Variants in LHFPL3 observed in about 807,000 individuals in gnomAD.
The protein encoded by LHFPL3 is LHFPL tetraspan subfamily member 3, also known as LHFPL tetraspan subfamily member 3 protein.
LHFPL3 carries 5 observed loss-of-function variants against 19.3 expected under a neutral mutation model. That is an observed-to-expected ratio of 0.26 (90% CI 0.14 to 0.54). The LOEUF (loss-of-function observed/expected upper bound fraction) is 0.54. Ranked by LOEUF, LHFPL3 falls within the 20% of genes least tolerant of loss-of-function variation. The probability of loss-of-function intolerance (pLI) is 0.94; values close to 1 mark genes in which losing one functional copy is unlikely to be tolerated. For missense variants in LHFPL3, 249 were observed against 307.4 expected (o/e 0.81, Z 1.42); for synonymous variants, 133 against 126.2 (o/e 1.05, Z -0.36).
Position 104,521,979 on chromosome 7 carries a change from C to T in LHFPL3, c.445+192755C>T, listed in dbSNP as rs558766966. On this transcript the variant is annotated intron_variant, in intron 1 of 2. Coordinates refer to ENST00000424859, the MANE Select transcript of LHFPL3 (RefSeq NM_199000.3). ...TCAACCATTGTGGAAGTCAGTGTGG[C>T]GATTCCTCAGGGATCTAGAACTGGA... 5.9e-4 allele frequency among the ~76,000 whole-genome samples: 90 copies of T among 152,044 alleles called. No homozygotes were observed. The East Asian group carries it at 0.014, about 23-fold the overall frequency.
intron 1 of LHFPL3, among the ~76,000 whole-genome samples, chr7:104,372,179 A>G (rs1174756555): frequency 3.3e-5 from 5 of 152,176 alleles, no homozygotes; most frequent in African/African-American, 1.2e-4. Context: ...GTGCTCATGT[A>G]TCCACCCACA....
At chr7:104,333,103 A>G (rs1562866892) in intron 1 of LHFPL3, among the ~76,000 whole-genome samples, 2 of 152,092 alleles carry the variant, frequency 1.3e-5, no homozygotes, top group African/African-American at 4.8e-5. Flanking sequence ...TTCTGCTTCT[A>G]TGTTCTTGTT....
At chr7:104,895,252 A>G (rs1358412130) in intron 2 of LHFPL3, 1 of 152,162 alleles carries the variant, frequency 6.6e-6, no homozygotes, top group African/African-American at 2.4e-5. Context: ...TGGTTTCCGG[A>G]TGTTTCTGCT....
intron 1 of LHFPL3, among the ~76,000 whole-genome samples, chr7:104,556,327 T>C (rs1789831312): frequency 1.3e-5 from 2 of 152,170 alleles, no homozygotes; most frequent in South Asian, 4.1e-4. Context: ...TGCCTGGGCA[T>C]CCAGGTGTTT....
chr7:104,589,813 A>T (rs562891747), intron 1 of LHFPL3, among the ~76,000 whole-genome samples: 26 of 152,176 alleles, frequency 1.7e-4, no homozygotes, highest in African/African-American at 5.8e-4. Flanking sequence ...CTATTCAGGG[A>T]TTCAGTTTCT....
At chr7:104,424,207 A>C (rs905170151) in intron 1 of LHFPL3, among the ~76,000 whole-genome samples, 1 of 152,248 alleles carries the variant, frequency 6.6e-6, no homozygotes, top group Non-Finnish European at 1.5e-5. Flanking sequence ...TGATATTATT[A>C]TCAAGAAATT....
At chr7:104,391,367 T>G (rs139113222) in intron 1 of LHFPL3, among the ~76,000 whole-genome samples, 3 of 152,252 alleles carry the variant, frequency 2.0e-5, no homozygotes. Context: ...TTGTATAAGG[T>G]GTAAGGAAGG....
At chr7:104,700,894 A>G (rs1013628695) in intron 1 of LHFPL3, among the ~76,000 whole-genome samples, 21 of 152,076 alleles carry the variant, frequency 1.4e-4, no homozygotes. Flanking sequence ...CCCTAACTGT[A>G]CCAATTTATC....
intron 1 of LHFPL3, among the ~76,000 whole-genome samples, chr7:104,575,455 T>C (rs4335061): frequency 0.28 from 42,919 of 150,930 alleles, 6,454 homozygotes; most frequent in African/African-American, 0.39. Flanking sequence ...GACCATAAAA[T>C]TCACTAAAAG....
chr7:104,708,905 T>G (rs923252893), intron 1 of LHFPL3, among the ~76,000 whole-genome samples: 2 of 152,180 alleles, frequency 1.3e-5, no homozygotes, highest in African/African-American at 2.4e-5. Flanking sequence ...TAGATTTGTC[T>G]TCATCACCAC....
chr7:104,666,076 A>T (rs1792331928), intron 1 of LHFPL3, among the ~76,000 whole-genome samples: 1 of 152,166 alleles, frequency 6.6e-6, no homozygotes, highest in Non-Finnish European at 1.5e-5. Flanking sequence ...TTTGTACGGG[A>T]TACATGTGAC....
At chr7:104,756,868 G>A (rs959447020) in intron 2 of LHFPL3, among the ~76,000 whole-genome samples, 2 of 152,182 alleles carry the variant, frequency 1.3e-5, no homozygotes, top group African/African-American at 4.8e-5. Context: ...ATATTAAGCA[G>A]AGATTCTGAC....
At chr7:104,365,959 A>G (rs561900653) in intron 1 of LHFPL3, among the ~76,000 whole-genome samples, 1 of 152,246 alleles carries the variant, frequency 6.6e-6, no homozygotes, top group East Asian at 1.9e-4. Flanking sequence ...AACAGCAGAA[A>G]TTGTAGCAGA....
chr7:104,356,046 T>C (rs184206010), intron 1 of LHFPL3, among the ~76,000 whole-genome samples: 19 of 152,296 alleles, frequency 1.2e-4, no homozygotes, highest in Admixed American at 1.0e-3. Context: ...ACAAAGACAA[T>C]GTGGAAGATT....
chr7:104,545,884 C>T (rs1336389748), intron 1 of LHFPL3, among the ~76,000 whole-genome samples: 2 of 152,210 alleles, frequency 1.3e-5, no homozygotes, highest in Non-Finnish European at 2.9e-5. Context: ...TGGAGCATTG[C>T]ACAATAGTCA....
chr7:104,518,646 T>C (rs374741270), intron 1 of LHFPL3, among the ~76,000 whole-genome samples: 14 of 152,150 alleles, frequency 9.2e-5, no homozygotes, highest in Admixed American at 5.9e-4. Flanking sequence ...TAGCCAGGCA[T>C]AGTGGCAGGC....
At chr7:104,391,549 T>A (rs1791069106) in intron 1 of LHFPL3, among the ~76,000 whole-genome samples, 1 of 152,238 alleles carries the variant, frequency 6.6e-6, no homozygotes, top group Non-Finnish European at 1.5e-5. Context: ...TCTATATCTC[T>A]GTTTTGGTAC....
chr7:104,775,216 AC>A (rs1355027892), intron 2 of LHFPL3, among the ~76,000 whole-genome samples: 1 of 152,146 alleles, frequency 6.6e-6, no homozygotes, highest in Non-Finnish European at 1.5e-5. Context: ...ACATGGTGAA[AC>A]CCCGTCTCTA....
At chr7:104,484,072 A>G (rs1323900457) in intron 1 of LHFPL3, among the ~76,000 whole-genome samples, 1 of 151,964 alleles carries the variant, frequency 6.6e-6, no homozygotes, top group Non-Finnish European at 1.5e-5. Flanking sequence ...GGGGATTTGC[A>G]TTTTTAATTC....
Sources: gnomAD v4.1 joint callset for allele counts (sites outside exome capture counted in the v4.1 genomes callset) on GRCh38, gnomAD v4.1.1 for gene constraint, MANE v1.5 for transcripts, NCBI Gene and HGNC (gene_info 2026-07-23, HGNC 2026-07-21) for gene names.